Variants in KALRN observed in about 807,000 individuals in gnomAD.
KALRN encodes the protein kalirin.
Under a neutral mutation model 353.7 loss-of-function variants are expected in KALRN, and 70 were observed. That is an observed-to-expected ratio of 0.20 (90% CI 0.16 to 0.24). The LOEUF (loss-of-function observed/expected upper bound fraction) is 0.24, where lower values mean the gene tolerates loss of function less well. Among genes scored for constraint, KALRN ranks in the 10% least tolerant of loss-of-function variants. KALRN has a pLI of 1.00. For synonymous variants in KALRN, 1,391 were observed against 1,434.8 expected (o/e 0.97, Z 0.69); for missense variants, 2,791 against 3,756.7 (o/e 0.74, Z 6.72).
intron 10 of KALRN, among the ~76,000 whole-genome samples, chr3:124,365,415 A>C (rs989144039): frequency 1.1e-4 from 16 of 152,166 alleles, no homozygotes; most frequent in African/African-American, 3.6e-4. Flanking sequence ...GCTAGTCTGC[A>C]TTCCACGGGG....
chr3:124,056,362 G>T (rs937416457), intron 1 of KALRN, among the ~76,000 whole-genome samples: 2 of 152,138 alleles, frequency 1.3e-5, no homozygotes, highest in Non-Finnish European at 2.9e-5. Flanking sequence ...TTCTATGTCT[G>T]TAGCGTGGTG....
chr3:124,679,334 G>T (rs920811587), intron 50 of KALRN, 124 bp from the exon 51 acceptor site: 30 of 796,122 alleles, frequency 3.8e-5, no homozygotes, highest in South Asian at 7.3e-5. Flanking sequence ...AAAACACCTG[G>T]TTTTTTCTCT....
At chr3:124,404,579 G>A (rs2091287715) in intron 13 of KALRN, among the ~76,000 whole-genome samples, 1 of 145,848 alleles carries the variant, frequency 6.9e-6, no homozygotes, top group African/African-American at 2.5e-5. Context: ...GAAAGTATGG[G>A]CTTCCAGTAC....
At chr3:124,649,357 A>G (rs2083123138) in intron 37 of KALRN, among the ~76,000 whole-genome samples, 1 of 152,102 alleles carries the variant, frequency 6.6e-6, no homozygotes, top group African/African-American at 2.4e-5. Flanking sequence ...TTTCATTCCT[A>G]CCTTTTTGGA....
At chr3:124,437,620 G>A (rs1167640766) in intron 17 of KALRN, among the ~76,000 whole-genome samples, 1 of 141,804 alleles carries the variant, frequency 7.1e-6, no homozygotes, top group Non-Finnish European at 1.5e-5. Context: ...AACCTGGGAG[G>A]CAGAGGTTGC....
intron 33 of KALRN, among the ~76,000 whole-genome samples, chr3:124,556,266 A>C (rs116580260): frequency 9.8e-5 from 15 of 152,334 alleles, no homozygotes; most frequent in African/African-American, 3.4e-4. Context: ...CCAGCAAGCA[A>C]AGATAAAGTA....
chr3:124,176,782 A>T (rs927106956), intron 1 of KALRN, among the ~76,000 whole-genome samples: 2 of 152,046 alleles, frequency 1.3e-5, no homozygotes, highest in African/African-American at 4.8e-5. Context: ...AATTTGGGAG[A>T]TGTATTTTCT....
intron 39 of KALRN, among the ~76,000 whole-genome samples, chr3:124,656,810 G>A (rs1019785769): frequency 3.3e-5 from 5 of 152,022 alleles, no homozygotes; most frequent in Admixed American, 2.6e-4. Context: ...TTTAACTTAC[G>A]GAAAGTTATT....
At chr3:124,521,521 C>G (rs939355215) in intron 33 of KALRN, among the ~76,000 whole-genome samples, 10 of 152,166 alleles carry the variant, frequency 6.6e-5, no homozygotes, top group Admixed American at 6.5e-5. Context: ...TTTCCCTACC[C>G]TAATATGTCA....
chr3:124,213,301 CTACTT>C (rs1560247585), intron 1 of KALRN, among the ~76,000 whole-genome samples: 1 of 152,022 alleles, frequency 6.6e-6, no homozygotes, highest in African/African-American at 2.4e-5. Flanking sequence ...CATTTATTGA[CTACTT>C]TATCTTTCCT....
intron 6 of KALRN, among the ~76,000 whole-genome samples, chr3:124,300,584 C>A (rs1053164762): frequency 6.6e-6 from 1 of 152,210 alleles, no homozygotes; most frequent in Non-Finnish European, 1.5e-5. Context: ...CGTTGGCCAA[C>A]GCCAGTCACA....
intron 1 of KALRN, among the ~76,000 whole-genome samples, chr3:124,092,223 G>A (rs920221152): frequency 6.6e-6 from 1 of 152,120 alleles, no homozygotes; most frequent in Admixed American, 6.5e-5. Context: ...TGGAGGGAGG[G>A]GAACAGAGCC....
intron 1 of KALRN, among the ~76,000 whole-genome samples, chr3:124,074,689 TG>T (rs1035563828): frequency 9.8e-5 from 15 of 152,348 alleles, no homozygotes; most frequent in African/African-American, 3.6e-4. Flanking sequence ...CCTGGAAAAG[TG>T]TAGCTCCATA....
intron 27 of KALRN, among the ~76,000 whole-genome samples, chr3:124,479,138 A>G (rs1197502908): frequency 6.6e-6 from 1 of 152,236 alleles, no homozygotes; most frequent in Non-Finnish European, 1.5e-5. Flanking sequence ...GTCACATCTC[A>G]GTGCCTGGCA....
chr3:124,473,379 A>G (rs1410041449), intron 25 of KALRN, among the ~76,000 whole-genome samples: 1 of 147,244 alleles, frequency 6.8e-6, no homozygotes, highest in Non-Finnish European at 1.5e-5. Flanking sequence ...TCAAAATTAG[A>G]TAGAAAAGTA....
At chr3:124,155,206 C>G (rs1297699046) in intron 1 of KALRN, among the ~76,000 whole-genome samples, 1 of 152,206 alleles carries the variant, frequency 6.6e-6, no homozygotes, top group African/African-American at 2.4e-5. Flanking sequence ...TGGGCAAGGA[C>G]TTCATGTCTA....
intron 9 of KALRN, among the ~76,000 whole-genome samples, chr3:124,341,410 C>T (rs1332664866): frequency 6.6e-6 from 1 of 152,174 alleles, no homozygotes; most frequent in Non-Finnish European, 1.5e-5. Flanking sequence ...TATAAACAGT[C>T]ATTGTGTATC....
chr3:124,204,735 A>G lies in KALRN; in HGVS notation c.74-23255A>G, dbSNP rs542939649. The stretch of plus-strand genomic sequence containing the variant: ...TTTTTAAAATAATCCCTGTTTTAGA[A>G]TTTACCTCAAGGGACCTGTGATGCC... On this transcript the variant is annotated intron_variant, in intron 1 of 59. Transcript: ENST00000682506. 2.0e-4 allele frequency among the ~76,000 whole-genome samples: 30 copies of G among 152,296 alleles called. No individual in the cohort carries two copies. In the East Asian group the frequency reaches 2.1e-3, roughly 11 times the overall value.
intron 49 of KALRN, among the ~76,000 whole-genome samples, chr3:124,677,769 A>G (rs1218385516): frequency 6.6e-6 from 1 of 152,198 alleles, no homozygotes; most frequent in Non-Finnish European, 1.5e-5. Flanking sequence ...GGAAAGTGTC[A>G]GTAGCATATG....
Sources: gnomAD v4.1 joint callset for allele counts (sites outside exome capture counted in the v4.1 genomes callset) on GRCh38, gnomAD v4.1.1 for gene constraint, MANE v1.5 for transcripts, NCBI Gene and HGNC (gene_info 2026-07-23, HGNC 2026-07-21) for gene names.